Variants in MARVELD2 observed in about 807,000 individuals in gnomAD.
MARVELD2 encodes MARVEL domain containing 2.
MARVELD2 carries 49 observed loss-of-function variants against 57.6 expected under a neutral mutation model. The observed-to-expected ratio is 0.85, with a 90% CI of 0.68 to 1.08. The LOEUF (loss-of-function observed/expected upper bound fraction) is 1.08. Among genes scored for constraint, MARVELD2 ranks in the 50% least tolerant of loss-of-function variants. The pLI is 0.00. For synonymous variants in MARVELD2, 238 were observed against 258.8 expected (o/e 0.92, Z 0.77); for missense variants, 606 against 701.1 (o/e 0.86, Z 1.53).
At chr5:69,424,479 C>T in intron 2 of MARVELD2, 122 bp from the exon 3 acceptor site, 2 of 783,336 alleles carry the variant, frequency 2.6e-6, no homozygotes, top group Non-Finnish European at 4.4e-6. Flanking sequence ...ATGAGAAACA[C>T]CCGTCAAGTA....
At chr5:69,428,347 CA>C (rs1561296762) in intron 3 of MARVELD2, among the ~76,000 whole-genome samples, 1 of 104,204 alleles carries the variant, frequency 9.6e-6, no homozygotes. Flanking sequence ...ACTAAAAATA[CA>C]AAAAATTAGC....
At chr5:69,416,594 A>G (rs1244647099) in intron 1 of MARVELD2, among the ~76,000 whole-genome samples, 1 of 152,230 alleles carries the variant, frequency 6.6e-6, no homozygotes, top group Non-Finnish European at 1.5e-5. Context: ...TTTACTTCAG[A>G]GGACTCTATT....
intron 5 of MARVELD2, among the ~76,000 whole-genome samples, chr5:69,437,411 G>A (rs934100479): frequency 1.3e-4 from 19 of 147,098 alleles, no homozygotes; most frequent in African/African-American, 3.5e-4. Flanking sequence ...AAAGCTGGGT[G>A]CGGTGGCTCA....
chr5:69,422,547 C>T (rs921527461), intron 2 of MARVELD2, among the ~76,000 whole-genome samples: 1 of 152,178 alleles, frequency 6.6e-6, no homozygotes, highest in Non-Finnish European at 1.5e-5. Flanking sequence ...TGCTCTCAAA[C>T]CCTGTCTCCT....
intron 5 of MARVELD2, among the ~76,000 whole-genome samples, chr5:69,434,987 C>T (rs1474646294): frequency 6.6e-6 from 1 of 150,950 alleles, no homozygotes; most frequent in East Asian, 2.0e-4. Context: ...GCCACCGTGC[C>T]TGGCCACCTG....
In MARVELD2 at chr5:69,419,661, G is replaced by C; in HGVS notation, c.276G>C (p.Gly92=). Residue 92 remains glycine (G), a synonymous_variant, in exon 2 of 7, where the codon GGG becomes GGC. Transcript: ENST00000325631. ...VPDSWKNFFR[G]KKKDPEWDKP... is the part of the protein sequence containing the mutation. ...ACTCCTGGAAGAACTTTTTCAGAGG[G>C]AAGAAAAAGGACCCCGAATGGGATA... 1 of 1,614,132 alleles carries C rather than the reference G, an allele frequency of 6.2e-7. No individual in the cohort carries two copies. Among genetic ancestry groups the C allele is most frequent in the South Asian group, 1.1e-5 (1 of 91,082 alleles).
chr5:69,425,004 G>A (rs1766739753), intron 3 of MARVELD2, among the ~76,000 whole-genome samples: 1 of 146,650 alleles, frequency 6.8e-6, no homozygotes. Flanking sequence ...CAGCCTGGGT[G>A]ACAGAGTGAG....
intron 3 of MARVELD2, among the ~76,000 whole-genome samples, chr5:69,430,369 G>GA (rs1184446069): frequency 6.6e-6 from 1 of 151,696 alleles, no homozygotes; most frequent in African/African-American, 2.4e-5. Flanking sequence ...TCTGTCTCAA[G>GA]AAAAAATATA....
rs2150935925 is a variant in MARVELD2 at position 69,442,210 on chromosome 5, A to T, written c.*556A>T. On this transcript the variant is annotated 3_prime_UTR_variant, in exon 7 of 7. Coordinates refer to ENST00000325631, the MANE Select transcript of MARVELD2 (RefSeq NM_001038603.3). ...TGGCAGTGTGATGGGCAAGTGGACCATCAATTCTGGTGCTACTTTTTCCTT... is the reference window on the plus strand; with the variant it reads ...TGGCAGTGTGATGGGCAAGTGGACCTTCAATTCTGGTGCTACTTTTTCCTT... 1 of 152,332 alleles carries T rather than the reference A, an allele frequency of 6.6e-6. No homozygotes were observed. Among genetic ancestry groups the T allele is most frequent in the African/African-American group, 2.4e-5 (1 of 41,566 alleles). 9.4% of individuals were successfully genotyped at this position (152,332 alleles called of 1,614,324 possible).
At chr5:69,430,526 TTTTA>T (rs887401074) in intron 3 of MARVELD2, among the ~76,000 whole-genome samples, 15 of 151,162 alleles carry the variant, frequency 9.9e-5, no homozygotes, top group African/African-American at 3.4e-4. Context: ...TAGTTCTGGG[TTTTA>T]TTTATTTATT....
intron 2 of MARVELD2, among the ~76,000 whole-genome samples, chr5:69,421,042 T>C (rs898769110): frequency 1.3e-5 from 2 of 152,192 alleles, no homozygotes; most frequent in Non-Finnish European, 2.9e-5. Flanking sequence ...AGAGATTGAA[T>C]TGTAATGAAC....
At chr5:69,417,833 G>T (rs299088) in intron 1 of MARVELD2, among the ~76,000 whole-genome samples, 3 of 151,564 alleles carry the variant, frequency 2.0e-5, no homozygotes, top group Non-Finnish European at 4.4e-5. Context: ...CAGCTACTTG[G>T]GAGGCTGAGG....
intron 5 of MARVELD2, among the ~76,000 whole-genome samples, chr5:69,438,091 G>A (rs1767213545): frequency 6.6e-6 from 1 of 152,194 alleles, no homozygotes; most frequent in Non-Finnish European, 1.5e-5. Context: ...ATGTCCCCAT[G>A]GAAGCATGTG....
At chr5:69,423,981 G>A (rs914686025) in intron 2 of MARVELD2, among the ~76,000 whole-genome samples, 5 of 152,078 alleles carry the variant, frequency 3.3e-5, no homozygotes, top group African/African-American at 1.2e-4. Context: ...ATTCTAATCA[G>A]TATGAAATCC....
At position 69,434,782 on chromosome 5, in the gene MARVELD2, T is replaced by C. The variant is rs553393979; in HGVS notation, c.1503+1689T>C. ...CGCGATCTCGGCTCACTGCAACCTC[T>C]GCCTCCCGGGTTGAAGCGATTCTCC... is the stretch of plus-strand genomic sequence containing the variant. On this transcript the variant is annotated intron_variant, in intron 5 of 6. Coordinates refer to ENST00000325631, the MANE Select transcript of MARVELD2 (RefSeq NM_001038603.3). Among the ~76,000 whole-genome samples, 4 of 152,286 alleles carry C rather than the reference T, an allele frequency of 2.6e-5. No individual in the cohort carries two copies. In the East Asian group the frequency reaches 7.7e-4, roughly 29 times the overall value.
chr5:69,418,124 TAAAAC>T (rs1332494317), intron 1 of MARVELD2, among the ~76,000 whole-genome samples: 8 of 151,978 alleles, frequency 5.3e-5, no homozygotes, highest in Non-Finnish European at 1.0e-4. Context: ...ATTAAATAAA[TAAAAC>T]AATAACAAAA....
At chr5:69,441,501 A>T in intron 6 of MARVELD2, 31 bp from the exon 7 acceptor site, 1 of 1,604,726 alleles carries the variant, frequency 6.2e-7, no homozygotes, top group Middle Eastern at 1.7e-4. Context: ...GGAAGCCAGG[A>T]GCCAAAATAA....
intron 5 of MARVELD2, among the ~76,000 whole-genome samples, chr5:69,439,154 A>T (rs965854675): frequency 6.0e-5 from 9 of 150,302 alleles, no homozygotes; most frequent in African/African-American, 2.2e-4. Flanking sequence ...CTTTTATTTT[A>T]TTAGTTTTTT....
At chr5:69,431,775 C>T (rs943038711) in intron 3 of MARVELD2, among the ~76,000 whole-genome samples, 6 of 150,312 alleles carry the variant, frequency 4.0e-5, no homozygotes, top group Non-Finnish European at 7.4e-5. Context: ...GAAATGTTAA[C>T]TCTTATTTCC....
Sources: allele counts gnomAD v4.1 joint callset (sites outside exome capture counted in the v4.1 genomes callset), GRCh38; gene constraint gnomAD v4.1.1; transcripts MANE v1.5; gene names NCBI Gene and HGNC (gene_info 2026-07-23, HGNC 2026-07-21).